Variants in CDK14 observed in about 807,000 individuals in gnomAD.
CDK14 encodes cyclin-dependent kinase 14.
A neutral mutation model predicts 60.7 loss-of-function variants in CDK14; 34 were observed. The observed-to-expected ratio is 0.56, with a 90% CI of 0.43 to 0.75. The LOEUF (loss-of-function observed/expected upper bound fraction) is 0.75. Ranked by LOEUF, CDK14 falls within the 30% of genes least tolerant of loss-of-function variation. CDK14 has a pLI of 0.00. For missense variants in CDK14, 482 were observed against 564.1 expected, an observed-to-expected ratio of 0.85 and a Z score of 1.47; for synonymous variants, 197 against 203.7, an observed-to-expected ratio of 0.97 and a Z score of 0.28.
chr7:91,172,005 T>A (rs912455700), intron 14 of CDK14, among the ~76,000 whole-genome samples: 1 of 152,222 alleles, frequency 6.6e-6, no homozygotes, highest in Non-Finnish European at 1.5e-5. Flanking sequence ...ATTTTTAAAT[T>A]GTTTTATGAT....
At chr7:90,699,652 T>C (rs1417998712) in intron 2 of CDK14, among the ~76,000 whole-genome samples, 3 of 152,220 alleles carry the variant, frequency 2.0e-5, no homozygotes, top group African/African-American at 7.2e-5. Flanking sequence ...TTTTAAACCT[T>C]AGAGTTCTGA....
intron 12 of CDK14, among the ~76,000 whole-genome samples, chr7:91,083,729 A>G (rs769392039): frequency 2.0e-5 from 3 of 152,170 alleles, no homozygotes; most frequent in Non-Finnish European, 4.4e-5. Flanking sequence ...AGGACCTAAA[A>G]TAGGAGATGC....
chr7:91,010,841 C>T lies in CDK14; in HGVS notation c.1041+26600C>T, dbSNP rs1418575099. ...CCTTCCTTCCTTCCTTCCTCCCTCCCTCCCTCCCTCCCTCCCTCCCTCCCT... is the reference window on the plus strand; with the variant it reads ...CCTTCCTTCCTTCCTTCCTCCCTCCTTCCCTCCCTCCCTCCCTCCCTCCCT... On this transcript the variant is annotated intron_variant, in intron 10 of 14. Transcript: ENST00000380050. Among the ~76,000 whole-genome samples the T allele has an allele frequency of 1.8e-3, 223 of 127,386 alleles. 1 individual carries two copies. Among genetic ancestry groups the T allele is most frequent in the African/African-American group, 6.6e-3 (212 of 32,310 alleles). 83.6% of individuals were successfully genotyped at this position (127,386 alleles called of 152,430 possible).
chr7:91,105,579 A>G (rs1186415684), intron 12 of CDK14, among the ~76,000 whole-genome samples: 2 of 152,194 alleles, frequency 1.3e-5, no homozygotes, highest in Non-Finnish European at 2.9e-5. Flanking sequence ...GCAAAAGAAA[A>G]TCCTTATGGG....
At chr7:90,633,745 CT>C (rs58349665) in intron 2 of CDK14, among the ~76,000 whole-genome samples, 3 of 151,338 alleles carry the variant, frequency 2.0e-5, no homozygotes, top group Non-Finnish European at 4.4e-5. Flanking sequence ...TTTTATAAAT[CT>C]TTTTTTTTCT....
intron 9 of CDK14, among the ~76,000 whole-genome samples, chr7:90,970,845 G>T (rs1794902685): frequency 6.6e-6 from 1 of 152,090 alleles, no homozygotes; most frequent in South Asian, 2.1e-4. Context: ...GATAATATTA[G>T]CTCTAAATAA....
intron 7 of CDK14, among the ~76,000 whole-genome samples, chr7:90,916,562 C>T (rs1387893373): frequency 3.3e-5 from 5 of 152,260 alleles, no homozygotes; most frequent in Middle Eastern, 3.4e-3. Flanking sequence ...CCAATCTTTT[C>T]GATTCAAGTT....
At chr7:90,980,330 A>T (rs1795197514) in intron 9 of CDK14, among the ~76,000 whole-genome samples, 1 of 152,166 alleles carries the variant, frequency 6.6e-6, no homozygotes, top group African/African-American at 2.4e-5. Flanking sequence ...TAATTACATA[A>T]TTATTCAAAT....
chr7:90,792,180 G>T (rs4015336), intron 5 of CDK14, among the ~76,000 whole-genome samples: 3 of 149,098 alleles, frequency 2.0e-5, no homozygotes, highest in African/African-American at 7.4e-5. Flanking sequence ...GATTACAGGC[G>T]TGAGCCACTG....
At chr7:90,917,497 T>G (rs1793116784) in intron 7 of CDK14, 104 bp from the exon 8 acceptor site, 1 of 1,062,312 alleles carries the variant, frequency 9.4e-7, no homozygotes, top group Admixed American at 2.3e-5. Flanking sequence ...TTGGTGATGG[T>G]TACCCATTTT....
intron 3 of CDK14, among the ~76,000 whole-genome samples, chr7:90,735,297 A>C (rs1391978331): frequency 6.6e-6 from 1 of 152,160 alleles, no homozygotes; most frequent in African/African-American, 2.4e-5. Context: ...TCAGGGACCC[A>C]CTTGAGGAGG....
intron 12 of CDK14, among the ~76,000 whole-genome samples, chr7:91,109,667 T>C (rs1799418710): frequency 6.6e-6 from 1 of 152,034 alleles, no homozygotes; most frequent in South Asian, 2.1e-4. Context: ...GATTATTTAA[T>C]TGGATAAAAA....
At chr7:90,836,303 A>G (rs1790097174) in intron 5 of CDK14, among the ~76,000 whole-genome samples, 1 of 152,200 alleles carries the variant, frequency 6.6e-6, no homozygotes, top group Non-Finnish European at 1.5e-5. Flanking sequence ...TACAAAAAAT[A>G]TCTTTTTTCT....
chr7:90,736,344 GTTTTTGTTTTTTTTTTTT>G (rs1233748943), intron 3 of CDK14, among the ~76,000 whole-genome samples: 6 of 41,026 alleles, frequency 1.5e-4, no homozygotes, highest in East Asian at 9.6e-4. Context: ...ACTTTATTAT[GTTTTTGTTTTTTTTTTTT>G]TTTTTTTTTT....
chr7:90,779,112 G>C (rs759417866), intron 4 of CDK14, among the ~76,000 whole-genome samples: 1 of 152,018 alleles, frequency 6.6e-6, no homozygotes, highest in Admixed American at 6.6e-5. Flanking sequence ...AATTAGCTGG[G>C]CGTGGTGGTG....
rs527844143 is a variant in CDK14, at chr7:90,848,588, C to T, written c.545-14587C>T. Among the ~76,000 whole-genome samples the T allele has an allele frequency of 4.6e-5, 7 of 151,252 alleles. No homozygotes were observed. In the East Asian group the frequency reaches 1.4e-3, roughly 29 times the overall value. On this transcript the variant is annotated intron_variant, in intron 5 of 14. Transcript: ENST00000380050. The stretch of plus-strand genomic sequence containing the variant: ...TATCAAAAGTTTAATACCTACTTGA[C>T]TTTTTTTCTAAGCCTCTGAGATTGA...
At chr7:90,727,251 C>T (rs1049367699) in intron 3 of CDK14, among the ~76,000 whole-genome samples, 3 of 152,000 alleles carry the variant, frequency 2.0e-5, no homozygotes, top group African/African-American at 7.2e-5. Context: ...GGTACTCCAC[C>T]AGTCTTTCTC....
At chr7:90,770,059 C>A (rs73395678) in intron 4 of CDK14, among the ~76,000 whole-genome samples, 2 of 152,188 alleles carry the variant, frequency 1.3e-5, no homozygotes, top group Non-Finnish European at 2.9e-5. Flanking sequence ...ATTACTGAAT[C>A]GCTTCTTGGT....
chr7:90,845,725 G>A (rs1463612325), intron 5 of CDK14, among the ~76,000 whole-genome samples: 1 of 151,906 alleles, frequency 6.6e-6, no homozygotes, highest in South Asian at 2.1e-4. Context: ...CTTTTAATAG[G>A]CATGTACATT....
Sources: gnomAD v4.1 joint callset for allele counts (sites outside exome capture counted in the v4.1 genomes callset) on GRCh38, gnomAD v4.1.1 for gene constraint, MANE v1.5 for transcripts, NCBI Gene and HGNC (gene_info 2026-07-23, HGNC 2026-07-21) for gene names.